The following PGM5 variants were observed in gnomAD, a reference collection of about 807,000 sequenced individuals.
PGM5 encodes phosphoglucomutase-like protein 5.
In PGM5, 23 loss-of-function variants were observed where a neutral mutation model predicts 59.2. The ratio of observed to expected loss-of-function variants is 0.39; its 90% CI spans 0.28 to 0.55. The LOEUF (loss-of-function observed/expected upper bound fraction) is 0.55. Among genes scored for constraint, PGM5 ranks in the 20% least tolerant of loss-of-function variants. PGM5 has a pLI of 0.66. For synonymous variants in PGM5, 214 were observed against 286.0 expected (o/e 0.75, Z 2.54); for missense variants, 574 against 748.3 (o/e 0.77, Z 2.72).
At chr9:68,416,206 A>G (rs1823029085) in intron 6 of PGM5, among the ~76,000 whole-genome samples, 1 of 152,202 alleles carries the variant, frequency 6.6e-6, no homozygotes. Context: ...AGTAAGAGAA[A>G]AGTAAATACT....
At chr9:68,457,741 T>C (rs1023278757) in intron 6 of PGM5, among the ~76,000 whole-genome samples, 1 of 152,272 alleles carries the variant, frequency 6.6e-6, no homozygotes, top group African/African-American at 2.4e-5. Context: ...TCAGTAATTA[T>C]CACTTTTAGT....
intron 6 of PGM5, among the ~76,000 whole-genome samples, chr9:68,463,834 A>T: frequency 6.6e-6 from 1 of 152,182 alleles, no homozygotes; most frequent in Non-Finnish European, 1.5e-5. Context: ...CTGACATATG[A>T]CGGTTCAACT....
chr9:68,360,700 A>C (rs1216058548), intron 1 of PGM5, among the ~76,000 whole-genome samples: 38 of 152,178 alleles, frequency 2.5e-4, no homozygotes, highest in African/African-American at 8.7e-4. Flanking sequence ...CATAGATTGT[A>C]AACATTTTCC....
In PGM5 at chr9:68,452,667, A is replaced by G. The variant is rs112557991; in HGVS notation, c.1044-12426A>G. 6.4e-3 allele frequency among the ~76,000 whole-genome samples: 969 copies of G among 152,298 alleles called. 9 individuals carry two copies. The highest frequency in any genetic ancestry group is 0.022 in the African/African-American group (899 of 41,562). On this transcript the variant is annotated intron_variant, in intron 6 of 10. Transcript: ENST00000396396. ...ACAAGACTGCTCAGGGGAACAGAGAACATGTCACTCAGATACCAAACAGAC... is the reference window on the plus strand; with the variant it reads ...ACAAGACTGCTCAGGGGAACAGAGAGCATGTCACTCAGATACCAAACAGAC...
chr9:68,523,781 C>T (rs1824932181), intron 10 of PGM5, among the ~76,000 whole-genome samples: 1 of 152,176 alleles, frequency 6.6e-6, no homozygotes, highest in Non-Finnish European at 1.5e-5. Context: ...TGTACAAATG[C>T]ACATTCCTCA....
chr9:68,499,471 A>G, intron 10 of PGM5, 110 bp downstream of exon 10: 1 of 1,134,384 alleles, frequency 8.8e-7, no homozygotes, highest in Non-Finnish European at 1.2e-6. Flanking sequence ...GGTACATGAT[A>G]ATTTCAGCTG....
chr9:68,426,829 A>T (rs1157863327), intron 6 of PGM5: 1 of 152,138 alleles, frequency 6.6e-6, no homozygotes, highest in African/African-American at 2.4e-5. Flanking sequence ...TGGTGGCCAT[A>T]TTTCCATTTT....
intron 6 of PGM5, among the ~76,000 whole-genome samples, chr9:68,416,807 A>G (rs782095797): frequency 2.6e-5 from 4 of 152,232 alleles, no homozygotes; most frequent in Non-Finnish European, 1.5e-5. Context: ...GGCAACCTCA[A>G]AGAGGTGATT....
chr9:68,376,656 G>A (rs1171278605), intron 1 of PGM5, among the ~76,000 whole-genome samples: 2 of 152,100 alleles, frequency 1.3e-5, no homozygotes, highest in African/African-American at 4.8e-5. Flanking sequence ...GTTTTGGCTT[G>A]TCGGTTATAT....
intron 10 of PGM5, among the ~76,000 whole-genome samples, chr9:68,522,830 T>C (rs1805435932): frequency 6.6e-6 from 1 of 152,178 alleles, no homozygotes; most frequent in Non-Finnish European, 1.5e-5. Context: ...TTGGGAGTCA[T>C]GCCATTGTTT....
chr9:68,524,403 G>T (rs963835746), intron 10 of PGM5, among the ~76,000 whole-genome samples: 1 of 152,162 alleles, frequency 6.6e-6, no homozygotes, highest in Non-Finnish European at 1.5e-5. Flanking sequence ...TGCAAGGCCT[G>T]CTTGGTTTGG....
chr9:68,502,677 A>ATTTGTTTG (rs3064031), intron 10 of PGM5, among the ~76,000 whole-genome samples: 243 of 151,728 alleles, frequency 1.6e-3, no homozygotes, highest in African/African-American at 5.6e-3. Flanking sequence ...GAATTTAAGT[A>ATTTGTTTG]TTTGTTTGTT....
chr9:68,460,249 A>C (rs1427015338), intron 6 of PGM5, among the ~76,000 whole-genome samples: 2 of 152,180 alleles, frequency 1.3e-5, no homozygotes, highest in African/African-American at 2.4e-5. Context: ...ATCATACATA[A>C]TGATATAGTG....
At chr9:68,474,193 T>G (rs1554686476) in intron 7 of PGM5, among the ~76,000 whole-genome samples, 1 of 152,206 alleles carries the variant, frequency 6.6e-6, no homozygotes, top group African/African-American at 2.4e-5. Context: ...AAAATCTCCT[T>G]GGGTGATTCT....
At chr9:68,374,874 A>C (rs1433510236) in intron 1 of PGM5, among the ~76,000 whole-genome samples, 1 of 152,218 alleles carries the variant, frequency 6.6e-6, no homozygotes, top group East Asian at 1.9e-4. Flanking sequence ...TAATGTAGAA[A>C]ATTAGATGGT....
rs374298329 is a variant in PGM5 at position 68,431,490 on chromosome 9, G to A, written c.1044-33603G>A. On this transcript the variant is annotated intron_variant, in intron 6 of 10. Coordinates refer to ENST00000396396, the MANE Select transcript of PGM5 (RefSeq NM_021965.4). ...TTTTTGTAATATTACTGTCACCAAGGCATTTTTACAAAGAACACCAGGATT... is the reference window on the plus strand; with the variant it reads ...TTTTTGTAATATTACTGTCACCAAGACATTTTTACAAAGAACACCAGGATT... 2.8e-4 allele frequency among the ~76,000 whole-genome samples: 43 copies of A among 152,234 alleles called. 1 individual carries two copies. In the South Asian group the frequency reaches 7.5e-3, roughly 26 times the overall value.
chr9:68,386,453 A>G (rs1448525466), intron 3 of PGM5, among the ~76,000 whole-genome samples: 3 of 152,206 alleles, frequency 2.0e-5, no homozygotes, highest in African/African-American at 7.2e-5. Context: ...TTAGATATGT[A>G]TTTGATCAGA....
intron 6 of PGM5, among the ~76,000 whole-genome samples, chr9:68,443,632 A>C (rs1369370059): frequency 6.6e-6 from 1 of 152,266 alleles, no homozygotes; most frequent in Non-Finnish European, 1.5e-5. Context: ...CCAAAAAGTT[A>C]GAACTTATTT....
intron 6 of PGM5, among the ~76,000 whole-genome samples, chr9:68,425,689 GT>G (rs1428224437): frequency 1.3e-5 from 2 of 151,746 alleles, no homozygotes; most frequent in South Asian, 2.1e-4. Context: ...TTTGTTCATT[GT>G]TTTTTTTCTT....
Sources: gnomAD v4.1 joint callset for allele counts (sites outside exome capture counted in the v4.1 genomes callset) on GRCh38, gnomAD v4.1.1 for gene constraint, MANE v1.5 for transcripts, NCBI Gene and HGNC (gene_info 2026-07-23, HGNC 2026-07-21) for gene names.